The following SUGP1 variants were observed in gnomAD, a reference collection of about 807,000 sequenced individuals.
SUGP1 encodes SURP and G-patch domain-containing protein 1.
Under a neutral mutation model 76.5 loss-of-function variants are expected in SUGP1, and 34 were observed. That is an observed-to-expected ratio of 0.44 (90% confidence interval 0.34 to 0.59). The LOEUF is 0.59. Ranked by LOEUF, SUGP1 falls within the 20% of genes least tolerant of loss-of-function variation. The pLI, the probability that SUGP1 is intolerant of heterozygous loss-of-function variation, is 0.01. For missense variants in SUGP1, 752 were observed against 851.7 expected (o/e 0.88, Z 1.46); for synonymous variants, 326 against 326.2 (o/e 1.00, Z 0.01).
chr19:19,307,158 C>A (rs2146621097), intron 3 of SUGP1, among the ~76,000 whole-genome samples: 1 of 152,224 alleles, frequency 6.6e-6, no homozygotes, highest in East Asian at 1.9e-4. Flanking sequence ...CTCAAGCAAT[C>A]CTCCCAGCTC....
intron 11 of SUGP1, 102 bp from the exon 12 acceptor site, chr19:19,277,981 G>A: frequency 1.4e-6 from 2 of 1,384,498 alleles, no homozygotes; most frequent in South Asian, 1.3e-5. Context: ...GGGACCAGTG[G>A]CCCATCTGCC....
intron 7 of SUGP1, among the ~76,000 whole-genome samples, chr19:19,297,661 G>A (rs140046700): frequency 2.0e-5 from 3 of 152,300 alleles, no homozygotes; most frequent in Non-Finnish European, 2.9e-5. Flanking sequence ...CCTTCCCCAG[G>A]GCCTGGGAAA....
chr19:19,311,762 G>A (rs1161975320), intron 2 of SUGP1, among the ~76,000 whole-genome samples: 1 of 147,014 alleles, frequency 6.8e-6, no homozygotes, highest in African/African-American at 2.5e-5. Flanking sequence ...AATGTATGAT[G>A]CCCAAAGAAA....
chr19:19,307,958 C>T (rs2061328814), intron 3 of SUGP1, among the ~76,000 whole-genome samples: 1 of 152,146 alleles, frequency 6.6e-6, no homozygotes, highest in African/African-American at 2.4e-5. Flanking sequence ...AGCCACTGTG[C>T]CCAGTGAGTA....
intron 4 of SUGP1, among the ~76,000 whole-genome samples, chr19:19,304,934 C>T (rs2061304773): frequency 6.6e-6 from 1 of 152,156 alleles, no homozygotes; most frequent in African/African-American, 2.4e-5. Flanking sequence ...TTGCTGTTTA[C>T]AGGAACAGGT....
intron 7 of SUGP1, among the ~76,000 whole-genome samples, chr19:19,298,333 A>C (rs1199967755): frequency 6.6e-6 from 1 of 152,114 alleles, no homozygotes; most frequent in Admixed American, 6.6e-5. Flanking sequence ...TCCCGTCTGT[A>C]CTAAAAATAA....
intron 8 of SUGP1, chr19:19,280,565 C>T (rs558975050): frequency 3.3e-4 from 134 of 412,080 alleles, no homozygotes; most frequent in African/African-American, 2.1e-3. Flanking sequence ...TCAGAGGTTC[C>T]GGGACTCACT....
At position 19,299,781 on chromosome 19, in the gene SUGP1, T is replaced by C. The variant is rs983599836; in HGVS notation, c.888-2437A>G. Among the ~76,000 whole-genome samples the C allele has an allele frequency of 2.6e-5, 4 of 151,726 alleles. No individual in the cohort carries two copies. In the East Asian group the frequency reaches 7.7e-4, roughly 29 times the overall value. ...AGTCCAAGGGATGGGCGTTTCCAGC[T>C]TTTCATTTTTTTTTTGTTTTGTTTT... On this transcript the variant is annotated intron_variant, in intron 7 of 13. Transcript: ENST00000247001.
chr19:19,277,339 G>T (rs1228438929), intron 12 of SUGP1, among the ~76,000 whole-genome samples: 11 of 152,096 alleles, frequency 7.2e-5, no homozygotes, highest in Admixed American at 6.5e-4. Flanking sequence ...TGGCAGGATG[G>T]TTACTCAAGG....
intron 2 of SUGP1, among the ~76,000 whole-genome samples, chr19:19,311,590 G>A (rs1426393717): frequency 1.3e-5 from 2 of 151,942 alleles, no homozygotes; most frequent in Non-Finnish European, 2.9e-5. Flanking sequence ...AGCCAGATGT[G>A]GTAGCAGGCG....
At chr19:19,303,889 C>T in intron 4 of SUGP1, 42 bp from the exon 5 acceptor site, 1 of 1,612,276 alleles carries the variant, frequency 6.2e-7, no homozygotes, top group Non-Finnish European at 8.5e-7. Context: ...CTCACACACC[C>T]CACAGTCAAT....
intron 11 of SUGP1, 35 bp from the exon 12 acceptor site, chr19:19,277,914 G>C (rs1428003977): frequency 6.2e-7 from 1 of 1,609,232 alleles, no homozygotes; most frequent in East Asian, 2.2e-5. Context: ...ACCCACCAGG[G>C]CTGGGGCTGT....
At chr19:19,276,829 T>C (rs968072262) in intron 13 of SUGP1, 118 bp downstream of exon 13, 3 of 1,544,836 alleles carry the variant, frequency 1.9e-6, no homozygotes, top group Non-Finnish European at 2.6e-6. Flanking sequence ...AGGTGGGTGG[T>C]AGGGGGCTCG....
In SUGP1 at chr19:19,297,152, C is replaced by A; in HGVS notation, c.1080G>T (p.Ala360=). 6.2e-7 allele frequency: 1 copy of A among 1,613,602 alleles called. No individual in the cohort carries two copies. Among genetic ancestry groups the A allele is most frequent in the African/African-American group, 1.3e-5 (1 of 74,994 alleles). The change falls in exon 8 of 14, where the codon GCG becomes GCT. Residue 360 remains alanine (A), a synonymous_variant. Transcript: ENST00000247001. ...CAGCTGGAGCAGGGATGATAGTGGG[C>A]GCAGGCGTGGACGAGGCGGGGCAGG... ...ATTCPASSTP[A]PTIIPAPAAP...
chr19:19,300,086 T>C (rs946754362), intron 7 of SUGP1, among the ~76,000 whole-genome samples: 1 of 141,446 alleles, frequency 7.1e-6, no homozygotes, highest in Non-Finnish European at 1.5e-5. Context: ...CCTCATTTTT[T>C]ATTTTTTGAG....
At chr19:19,277,134 C>G (rs756989000) in intron 12 of SUGP1, 58 bp from the exon 13 acceptor site, 2 of 1,558,436 alleles carry the variant, frequency 1.3e-6, no homozygotes, top group African/African-American at 1.4e-5. Context: ...GCCGGGGGGC[C>G]GGGCACAGCT....
chr19:19,295,455 T>G (rs1025170198), intron 8 of SUGP1, among the ~76,000 whole-genome samples: 10 of 150,922 alleles, frequency 6.6e-5, no homozygotes, highest in Non-Finnish European at 1.5e-4. Flanking sequence ...ATACAAAAAT[T>G]TTGCCAGGCG....
intron 7 of SUGP1, 50 bp from the exon 8 acceptor site, chr19:19,297,394 TC>T (rs751045796): frequency 6.9e-7 from 1 of 1,441,138 alleles, no homozygotes; most frequent in Non-Finnish European, 9.3e-7. Flanking sequence ...CGAGGCCCTG[TC>T]CCTGATTCTG....
Position 19,305,872 on chromosome 19 carries a change from T to C in SUGP1, c.515A>G (p.Tyr172Cys), listed in dbSNP as rs943619299. 4 of 1,611,696 alleles carry C rather than the reference T, an allele frequency of 2.5e-6. No individual in the cohort carries two copies. The highest frequency in any genetic ancestry group is 2.2e-5 in the East Asian group (1 of 44,792). ...QSPDEDEEED[Y>C]EQWLEIKVSP... ...ACCTTTGATCTCCAGCCACTGCTCA[T>C]AGTCCTCCTCCTCGTCCTCGTCAGG... The change falls in exon 4 of 14, where the codon TAT (tyrosine) becomes TGT (cysteine). Residue 172 changes from tyrosine (Y) to cysteine (C), a missense_variant. Tyr to Cys is a radical substitution (Grantham distance 194). Coordinates refer to ENST00000247001, the MANE Select transcript of SUGP1 (RefSeq NM_172231.4).
Sources: allele counts gnomAD v4.1 joint callset (sites outside exome capture counted in the v4.1 genomes callset), GRCh38; gene constraint gnomAD v4.1.1; transcripts MANE v1.5; gene names NCBI Gene and HGNC (gene_info 2026-07-23, HGNC 2026-07-21).